The following BMPER variants were observed in gnomAD, a reference collection of about 807,000 sequenced individuals.
The protein encoded by BMPER is BMP binding endothelial regulator, also known as BMP-binding endothelial regulator protein.
In BMPER, 45 loss-of-function variants were observed where a neutral mutation model predicts 87.3. The observed-to-expected ratio is 0.52, with a 90% CI of 0.41 to 0.66. The LOEUF is 0.66. Ranked by LOEUF, BMPER falls within the 30% of genes least tolerant of loss-of-function variation. The pLI, the probability that BMPER is intolerant of heterozygous loss-of-function variation, is 0.00. For synonymous variants in BMPER, 326 were observed against 316.2 expected, an observed-to-expected ratio of 1.03 and a Z score of -0.33; for missense variants, 784 against 867.5, an observed-to-expected ratio of 0.90 and a Z score of 1.21.
At chr7:34,151,753 C>T (rs535113423) in intron 14 of BMPER, among the ~76,000 whole-genome samples, 15 of 152,258 alleles carry the variant, frequency 9.9e-5, no homozygotes, top group South Asian at 2.1e-4. Context: ...ATAAATAATG[C>T]ACCAGTGCTT....
intron 7 of BMPER, among the ~76,000 whole-genome samples, chr7:34,051,038 C>G (rs187483761): frequency 2.6e-5 from 4 of 152,276 alleles, no homozygotes; most frequent in African/African-American, 9.6e-5. Context: ...TATTTCTCAT[C>G]TTGGAGGCTG....
chr7:33,992,151 A>G lies in BMPER; in HGVS notation c.576+17367A>G, dbSNP rs573029279. 2.2e-4 allele frequency among the ~76,000 whole-genome samples: 33 copies of G among 151,032 alleles called. No individual in the cohort carries two copies. The East Asian group carries it at 6.1e-3, about 28-fold the overall frequency. On this transcript the variant is annotated intron_variant, in intron 6 of 14. Coordinates refer to ENST00000649409, the MANE Select transcript of BMPER (RefSeq NM_001365308.1). ...ATTAGGTCCACTTGGTGCAGAGCTGAGTTCAATTCCTGGGTATCCTTGTTG... is the reference window on the plus strand; with the variant it reads ...ATTAGGTCCACTTGGTGCAGAGCTGGGTTCAATTCCTGGGTATCCTTGTTG...
chr7:34,080,579 C>T (rs1301253570), intron 12 of BMPER, among the ~76,000 whole-genome samples: 1 of 152,210 alleles, frequency 6.6e-6, no homozygotes, highest in African/African-American at 2.4e-5. Flanking sequence ...ATCCAAAAGA[C>T]ATGGCGCTCT....
At chr7:34,147,467 T>C (rs1791059095) in intron 14 of BMPER, among the ~76,000 whole-genome samples, 1 of 152,178 alleles carries the variant, frequency 6.6e-6, no homozygotes, top group African/African-American at 2.4e-5. Flanking sequence ...GATCCCTGTT[T>C]TTTTTGTTTG....
chr7:34,138,635 C>T lies in BMPER; in HGVS notation c.1746-4595C>T, dbSNP rs563654334. Among the ~76,000 whole-genome samples the T allele has an allele frequency of 1.4e-4, 21 of 152,316 alleles. No individual in the cohort carries two copies. The South Asian group carries it at 3.3e-3, about 24-fold the overall frequency. On this transcript the variant is annotated intron_variant, in intron 13 of 14. Transcript: ENST00000649409. ...TTCTAGATACATTAATTTGAAGCTCCTGTGACAGACAGTATGCTTTAAGGG... is the reference window on the plus strand; with the variant it reads ...TTCTAGATACATTAATTTGAAGCTCTTGTGACAGACAGTATGCTTTAAGGG...
chr7:34,087,228 G>A (rs974704939), intron 13 of BMPER, among the ~76,000 whole-genome samples: 2 of 152,114 alleles, frequency 1.3e-5, no homozygotes, highest in South Asian at 4.1e-4. Context: ...CCATTTTCCT[G>A]TTATAACTTG....
intron 6 of BMPER, among the ~76,000 whole-genome samples, chr7:34,021,719 T>C (rs193231806): frequency 2.6e-4 from 39 of 152,152 alleles, no homozygotes; most frequent in African/African-American, 9.4e-4. Context: ...ATAAAGGATA[T>C]CTAGCAGGTA....
intron 3 of BMPER, among the ~76,000 whole-genome samples, chr7:33,938,103 G>GTGGTGTGAT (rs1278232184): frequency 6.6e-6 from 1 of 152,130 alleles, no homozygotes; most frequent in Non-Finnish European, 1.5e-5. Flanking sequence ...GGATACCGCA[G>GTGGTGTGAT]TGGTGTGATT....
At chr7:33,952,340 T>C (rs946112940) in intron 3 of BMPER, among the ~76,000 whole-genome samples, 10 of 152,346 alleles carry the variant, frequency 6.6e-5, no homozygotes, top group African/African-American at 1.9e-4. Flanking sequence ...TGTCTTATAG[T>C]ATATTTCACT....
chr7:34,079,527 T>C (rs1788957164), intron 12 of BMPER, among the ~76,000 whole-genome samples: 1 of 152,206 alleles, frequency 6.6e-6, no homozygotes, highest in Admixed American at 6.5e-5. Flanking sequence ...GTTTTGTTGC[T>C]CTTTTAGGCC....
intron 2 of BMPER, among the ~76,000 whole-genome samples, chr7:33,910,604 C>CA (rs1783933793): frequency 6.6e-6 from 1 of 152,126 alleles, no homozygotes; most frequent in South Asian, 2.1e-4. Flanking sequence ...TTTTGTTCAG[C>CA]AAAAAACATT....
At chr7:34,026,606 T>C (rs552298083) in intron 6 of BMPER, among the ~76,000 whole-genome samples, 13 of 152,080 alleles carry the variant, frequency 8.5e-5, no homozygotes, top group Non-Finnish European at 1.9e-4. Flanking sequence ...GGCCATCAGA[T>C]TGATTACAAG....
intron 12 of BMPER, among the ~76,000 whole-genome samples, chr7:34,083,071 G>C (rs776813689): frequency 1.3e-5 from 2 of 152,036 alleles, no homozygotes; most frequent in Non-Finnish European, 2.9e-5. Context: ...TGGTTATTTC[G>C]GTGTCTTGAC....
intron 14 of BMPER, among the ~76,000 whole-genome samples, chr7:34,144,062 C>T (rs969284294): frequency 3.9e-5 from 6 of 152,068 alleles, no homozygotes; most frequent in Non-Finnish European, 7.4e-5. Flanking sequence ...AGGAAACAAA[C>T]AGGGCAGAGT....
intron 13 of BMPER, among the ~76,000 whole-genome samples, chr7:34,132,295 C>T (rs1790613115): frequency 6.6e-6 from 1 of 152,094 alleles, no homozygotes; most frequent in Non-Finnish European, 1.5e-5. Flanking sequence ...GCCCTCAAGA[C>T]TCCTCCTTGA....
chr7:33,988,221 A>G (rs1562671374), intron 6 of BMPER, among the ~76,000 whole-genome samples: 2 of 152,128 alleles, frequency 1.3e-5, no homozygotes, highest in Non-Finnish European at 2.9e-5. Context: ...TGGGGTGATG[A>G]ATGTGATTGG....
At chr7:34,087,125 G>A (rs1349958198) in intron 13 of BMPER, among the ~76,000 whole-genome samples, 4 of 152,136 alleles carry the variant, frequency 2.6e-5, no homozygotes, top group South Asian at 2.1e-4. Flanking sequence ...GAAGTGGGGT[G>A]GAAAAAAGAC....
chr7:34,032,016 T>C (rs1787540996), intron 6 of BMPER, among the ~76,000 whole-genome samples: 1 of 147,022 alleles, frequency 6.8e-6, no homozygotes, highest in Non-Finnish European at 1.5e-5. Context: ...TGTGTATATA[T>C]ATATATATAA....
At chr7:34,103,028 A>G (rs1171262469) in intron 13 of BMPER, among the ~76,000 whole-genome samples, 5 of 152,158 alleles carry the variant, frequency 3.3e-5, no homozygotes. Context: ...AGTACAAAGC[A>G]CTTGGAGAGT....
Sources: gnomAD v4.1 joint callset for allele counts (sites outside exome capture counted in the v4.1 genomes callset) on GRCh38, gnomAD v4.1.1 for gene constraint, MANE v1.5 for transcripts, NCBI Gene and HGNC (gene_info 2026-07-23, HGNC 2026-07-21) for gene names.